The following NCKAP5 variants were observed in gnomAD, a reference collection of about 807,000 sequenced individuals.
NCKAP5 encodes the protein nck-associated protein 5.
Under a neutral mutation model 167.0 loss-of-function variants are expected in NCKAP5, and 92 were observed. The observed-to-expected ratio is 0.55, with a 90% CI of 0.47 to 0.66. NCKAP5 has a LOEUF of 0.66. Among genes scored for constraint, NCKAP5 ranks in the 30% least tolerant of loss-of-function variants. The pLI, the probability that NCKAP5 is intolerant of heterozygous loss-of-function variation, is 0.00. For synonymous variants in NCKAP5, 891 were observed against 877.4 expected (o/e 1.02, Z -0.27); for missense variants, 2,378 against 2,315.0 (o/e 1.03, Z -0.56).
chr2:133,312,604 C>T lies in NCKAP5; in HGVS notation c.70-9494G>A, dbSNP rs1408197435. On this transcript the variant is annotated intron_variant, in intron 3 of 19. Transcript: ENST00000409261. ...CTTCCCCTGGCCAGAAACGGTGAAGCCTTGGGCTCAGAGACAGTCCTACAT... is the reference window on the plus strand; with the variant it reads ...CTTCCCCTGGCCAGAAACGGTGAAGTCTTGGGCTCAGAGACAGTCCTACAT... Among the ~76,000 whole-genome samples the T allele has an allele frequency of 1.3e-5, 2 of 152,154 alleles. 1 individual carries two copies. The highest frequency in any genetic ancestry group is 3.9e-4 in the East Asian group (2 of 5,190).
At chr2:133,160,793 G>A (rs1333029163) in intron 5 of NCKAP5, among the ~76,000 whole-genome samples, 1 of 152,036 alleles carries the variant, frequency 6.6e-6, no homozygotes, top group Non-Finnish European at 1.5e-5. Context: ...TAGTCCCAGA[G>A]TTTTCTCCTT....
At chr2:133,028,925 G>A (rs1373563493) in intron 6 of NCKAP5, among the ~76,000 whole-genome samples, 1 of 152,122 alleles carries the variant, frequency 6.6e-6, no homozygotes, top group African/African-American at 2.4e-5. Flanking sequence ...CCTTCCCCTC[G>A]CTCTCTTGTT....
chr2:132,829,728 G>A (rs1687386174), intron 11 of NCKAP5, among the ~76,000 whole-genome samples: 1 of 152,158 alleles, frequency 6.6e-6, no homozygotes, highest in African/African-American at 2.4e-5. Flanking sequence ...TTCTGAATCA[G>A]GAGGTGTAGG....
the NCKAP5 span, among the ~76,000 whole-genome samples, chr2:133,624,240 T>G: frequency 6.6e-6 from 1 of 152,112 alleles, no homozygotes; most frequent in African/African-American, 2.4e-5. Flanking sequence ...AGAATTTATG[T>G]AACCAACCAC....
At chr2:133,636,525 G>A in the NCKAP5 span, among the ~76,000 whole-genome samples, 1 of 152,182 alleles carries the variant, frequency 6.6e-6, no homozygotes, top group African/African-American at 2.4e-5. Flanking sequence ...CAGCGATAAG[G>A]GCAAGGGCTT....
At chr2:133,470,593 G>C (rs1016493294) in intron 3 of NCKAP5, among the ~76,000 whole-genome samples, 2 of 152,232 alleles carry the variant, frequency 1.3e-5, no homozygotes, top group Non-Finnish European at 2.9e-5. Flanking sequence ...GGCAATGGCG[G>C]GTGCCCCTCC....
intron 7 of NCKAP5, among the ~76,000 whole-genome samples, chr2:132,983,611 C>T (rs912695274): frequency 6.6e-6 from 1 of 152,114 alleles, no homozygotes; most frequent in African/African-American, 2.4e-5. Context: ...TATTTCTTCC[C>T]TATGTTAATC....
At chr2:133,665,621 A>T in the NCKAP5 span, among the ~76,000 whole-genome samples, 1 of 152,268 alleles carries the variant, frequency 6.6e-6, no homozygotes, top group Non-Finnish European at 1.5e-5. Context: ...CCAAGATGTG[A>T]CACAGAAACA....
At chr2:133,160,433 C>CTTTTT (rs869057265) in intron 5 of NCKAP5, among the ~76,000 whole-genome samples, 3 of 100,856 alleles carry the variant, frequency 3.0e-5, no homozygotes, top group African/African-American at 9.1e-5. Flanking sequence ...CTTTTCCTTT[C>CTTTTT]TTTTTCTTTT....
At chr2:133,286,721 A>C (rs918224558) in intron 4 of NCKAP5, among the ~76,000 whole-genome samples, 1 of 152,228 alleles carries the variant, frequency 6.6e-6, no homozygotes, top group Admixed American at 6.5e-5. Flanking sequence ...TATGTCCAAC[A>C]GGTGGCCATG....
chr2:133,155,942 G>A (rs2083561671), intron 5 of NCKAP5, among the ~76,000 whole-genome samples: 2 of 152,272 alleles, frequency 1.3e-5, no homozygotes, highest in Middle Eastern at 3.4e-3. Context: ...TGTTTCTGTG[G>A]TGAACTCTGA....
intron 8 of NCKAP5, among the ~76,000 whole-genome samples, chr2:132,962,016 G>C (rs76379766): frequency 0.029 from 4,397 of 152,238 alleles, 156 homozygotes; most frequent in East Asian, 0.083. Flanking sequence ...CCCTTGGGGA[G>C]ACAAGGGTGA....
chr2:133,453,432 AAATAACTTCAATTCT>A (rs1425640464), intron 3 of NCKAP5, among the ~76,000 whole-genome samples: 10 of 152,138 alleles, frequency 6.6e-5, no homozygotes, highest in African/African-American at 2.4e-4. Flanking sequence ...AGCATTGACC[AAATAACTTCAATTCT>A]AATAACAATT....
intron 13 of NCKAP5, among the ~76,000 whole-genome samples, chr2:132,786,697 C>A (rs1162495906): frequency 6.6e-6 from 1 of 152,008 alleles, no homozygotes; most frequent in East Asian, 1.9e-4. Flanking sequence ...CTCTGCTGTA[C>A]ACCAGCCATT....
At chr2:132,989,280 A>C (rs1056828881) in intron 7 of NCKAP5, among the ~76,000 whole-genome samples, 1 of 152,210 alleles carries the variant, frequency 6.6e-6, no homozygotes, top group East Asian at 1.9e-4. Context: ...TTTATGCTTA[A>C]TTGCCCCCTT....
intron 5 of NCKAP5, among the ~76,000 whole-genome samples, chr2:133,151,865 G>T (rs907852731): frequency 6.6e-6 from 1 of 152,124 alleles, no homozygotes; most frequent in Non-Finnish European, 1.5e-5. Flanking sequence ...TACTCAGGAG[G>T]TTGAGGTGGG....
chr2:133,572,382 C>T (rs1338578630), upstream of NCKAP5, among the ~76,000 whole-genome samples: 8 of 152,190 alleles, frequency 5.3e-5, no homozygotes, highest in African/African-American at 1.9e-4. Context: ...AACCCAGCCC[C>T]TCTGCTTAGC....
At chr2:133,373,069 G>T (rs959706633) in intron 3 of NCKAP5, among the ~76,000 whole-genome samples, 19 of 151,888 alleles carry the variant, frequency 1.3e-4, no homozygotes, top group African/African-American at 4.6e-4. Flanking sequence ...ATCTTTTTTT[G>T]GATGGGGGAT....
In NCKAP5 at chr2:133,016,064, G is replaced by C. The variant is rs188860299; in HGVS notation, c.342-21825C>G. On this transcript the variant is annotated intron_variant, in intron 6 of 19. Transcript: ENST00000409261. ...TGAACAAAAAAAATTAGAAAGGTGG[G>C]AGAGAGAAAAGAAATAGGAAGGAGA... Among the ~76,000 whole-genome samples the C allele has an allele frequency of 3.0e-4, 46 of 151,250 alleles. 1 individual carries two copies. The East Asian group carries it at 8.1e-3, about 27-fold the overall frequency.
Sources: gnomAD v4.1 joint callset for allele counts (sites outside exome capture counted in the v4.1 genomes callset) on GRCh38, gnomAD v4.1.1 for gene constraint, MANE v1.5 for transcripts, NCBI Gene and HGNC (gene_info 2026-07-23, HGNC 2026-07-21) for gene names.